The following ADK variants were observed in gnomAD, a reference collection of about 807,000 sequenced individuals.
ADK encodes adenosine kinase, also known as N6,N6-dimethyladenosine kinase.
ADK carries 24 observed loss-of-function variants against 44.7 expected under a neutral mutation model. That is an observed-to-expected ratio of 0.54 (90% CI 0.39 to 0.76). The LOEUF (loss-of-function observed/expected upper bound fraction) is 0.76. Ranked by LOEUF, ADK falls within the 30% of genes least tolerant of loss-of-function variation. The pLI is 0.00. For missense variants in ADK, 321 were observed against 425.1 expected (o/e 0.76, Z 2.15); for synonymous variants, 128 against 142.6 (o/e 0.90, Z 0.73).
chr10:74,434,121 A>T (rs920418380), intron 6 of ADK, among the ~76,000 whole-genome samples: 1 of 152,098 alleles, frequency 6.6e-6, no homozygotes. Context: ...TATATATATA[A>T]TGAGTTTGGA....
At chr10:74,561,900 T>C (rs553496371) in intron 7 of ADK, among the ~76,000 whole-genome samples, 1 of 152,342 alleles carries the variant, frequency 6.6e-6, no homozygotes, top group Non-Finnish European at 1.5e-5. Context: ...TGTAATTTTC[T>C]ATAATGGATT....
At chr10:74,494,607 AG>A (rs756335853) in intron 6 of ADK, among the ~76,000 whole-genome samples, 4 of 152,060 alleles carry the variant, frequency 2.6e-5, no homozygotes, top group Admixed American at 6.6e-5. Context: ...TAATTTGTAA[AG>A]GTAATTATAA....
chr10:74,173,453 G>A (rs546698332), intron 1 of ADK, among the ~76,000 whole-genome samples: 3 of 144,340 alleles, frequency 2.1e-5, no homozygotes, highest in Non-Finnish European at 4.5e-5. Context: ...CTTTTGAGAT[G>A]GAGTCTTGCT....
At chr10:74,528,230 G>A (rs1037197952) in intron 7 of ADK, 5 of 414,982 alleles carry the variant, frequency 1.2e-5, no homozygotes, top group Non-Finnish European at 2.2e-5. Context: ...TAAAAATCTC[G>A]ATGTAAATTG....
chr10:74,309,845 G>A (rs1038104135), intron 3 of ADK, among the ~76,000 whole-genome samples: 23 of 151,886 alleles, frequency 1.5e-4, no homozygotes, highest in Admixed American at 3.3e-4. Context: ...AGGACATCCC[G>A]TATTATATTT....
rs531295046 is a variant in ADK at position 74,168,804 on chromosome 10, G to A, written c.65+17461G>A. ...ATTTGTGTATTTTTAGTAGTGATGG[G>A]GTTTCTCCACGTTGGTCAGGCTGGT... On this transcript the variant is annotated intron_variant, in intron 1 of 10. Transcript: ENST00000539909. Among the ~76,000 whole-genome samples the A allele has an allele frequency of 4.6e-5, 7 of 151,836 alleles. No homozygotes were observed. In the South Asian group the frequency reaches 1.3e-3, roughly 27 times the overall value.
chr10:74,345,773 G>A (rs961489601), intron 4 of ADK, among the ~76,000 whole-genome samples: 4 of 152,198 alleles, frequency 2.6e-5, no homozygotes, highest in Non-Finnish European at 5.9e-5. Flanking sequence ...GGAATCAGTA[G>A]ACTATTTCAT....
intron 9 of ADK, among the ~76,000 whole-genome samples, chr10:74,639,189 C>T (rs1853736861): frequency 6.6e-6 from 1 of 152,058 alleles, no homozygotes; most frequent in Admixed American, 6.6e-5. Flanking sequence ...TAAAGAAGTT[C>T]AAATTAGAAT....
chr10:74,251,040 T>C (rs994731687), intron 3 of ADK, among the ~76,000 whole-genome samples: 1 of 152,106 alleles, frequency 6.6e-6, no homozygotes, highest in African/African-American at 2.4e-5. Flanking sequence ...CCATGCCTGG[T>C]CCAGAGTTAG....
chr10:74,237,307 C>G (rs1412533128), intron 3 of ADK, among the ~76,000 whole-genome samples: 1 of 152,146 alleles, frequency 6.6e-6, no homozygotes, highest in Admixed American at 6.5e-5. Flanking sequence ...TTTTGCTCAT[C>G]TATAAGAAGC....
intron 7 of ADK, among the ~76,000 whole-genome samples, chr10:74,569,516 T>G (rs1179612669): frequency 2.0e-5 from 3 of 152,240 alleles, no homozygotes; most frequent in African/African-American, 7.2e-5. Flanking sequence ...TTTGCATTTC[T>G]CTGATGGCCA....
At chr10:74,464,524 C>T (rs1846282854) in intron 6 of ADK, among the ~76,000 whole-genome samples, 2 of 152,104 alleles carry the variant, frequency 1.3e-5, no homozygotes, top group Non-Finnish European at 2.9e-5. Flanking sequence ...CATGACTCTG[C>T]ACTCCAGCCT....
chr10:74,588,180 A>G (rs1851594619), intron 7 of ADK, among the ~76,000 whole-genome samples: 1 of 152,182 alleles, frequency 6.6e-6, no homozygotes, highest in Non-Finnish European at 1.5e-5. Context: ...GTATTCTAAA[A>G]TAAATTACAT....
chr10:74,590,674 T>C (rs145044779), intron 8 of ADK, among the ~76,000 whole-genome samples: 174 of 152,290 alleles, frequency 1.1e-3, no homozygotes, highest in African/African-American at 4.0e-3. Flanking sequence ...TAGGTTTAAG[T>C]CACATTTAGA....
At chr10:74,289,050 T>C (rs1000553755) in intron 3 of ADK, among the ~76,000 whole-genome samples, 2 of 152,214 alleles carry the variant, frequency 1.3e-5, no homozygotes, top group East Asian at 3.8e-4. Flanking sequence ...CAGAGTTTAT[T>C]CTCAATATTG....
chr10:74,490,954 G>A (rs1847460017), intron 6 of ADK, among the ~76,000 whole-genome samples: 1 of 152,044 alleles, frequency 6.6e-6, no homozygotes, highest in South Asian at 2.1e-4. Context: ...ACTTTTTCTT[G>A]TTATTTATAA....
chr10:74,568,575 G>A (rs1266708114), intron 7 of ADK, among the ~76,000 whole-genome samples: 1 of 150,304 alleles, frequency 6.7e-6, no homozygotes, highest in African/African-American at 2.4e-5. Flanking sequence ...GAGAATAAAA[G>A]AATGGCTACT....
chr10:74,173,940 A>C (rs772405897), intron 1 of ADK, among the ~76,000 whole-genome samples: 1 of 152,150 alleles, frequency 6.6e-6, no homozygotes, highest in Non-Finnish European at 1.5e-5. Context: ...ACTATAGTTA[A>C]TTAAATTTTA....
At chr10:74,448,172 C>CA (rs1252198300) in intron 6 of ADK, among the ~76,000 whole-genome samples, 3 of 75,370 alleles carry the variant, frequency 4.0e-5, no homozygotes, top group African/African-American at 1.6e-4. Flanking sequence ...GACTCTGTCT[C>CA]AAAAAAATAA....
Sources: allele counts gnomAD v4.1 joint callset (sites outside exome capture counted in the v4.1 genomes callset), GRCh38; gene constraint gnomAD v4.1.1; transcripts MANE v1.5; gene names NCBI Gene and HGNC (gene_info 2026-07-23, HGNC 2026-07-21).